B3GNT5: variants seen among roughly 807,000 people sequenced by gnomAD.
B3GNT5 encodes the protein lactosylceramide 1,3-N-acetyl-beta-D-glucosaminyltransferase.
Under a neutral mutation model 25.9 loss-of-function variants are expected in B3GNT5, and 11 were observed. The ratio of observed to expected loss-of-function variants is 0.42; its 90% CI spans 0.27 to 0.70. B3GNT5 has a LOEUF of 0.70. Among genes scored for constraint, B3GNT5 ranks in the 30% least tolerant of loss-of-function variants. The probability of loss-of-function intolerance (pLI) is 0.23; values close to 1 mark genes in which losing one functional copy is unlikely to be tolerated. For synonymous variants in B3GNT5, 166 were observed against 158.6 expected, an observed-to-expected ratio of 1.05 and a Z score of -0.35; for missense variants, 385 against 458.4, an observed-to-expected ratio of 0.84 and a Z score of 1.46.
At chr3:183,261,508 A>AT (rs1048302321) in intron 1 of B3GNT5, among the ~76,000 whole-genome samples, 11 of 152,238 alleles carry the variant, frequency 7.2e-5, no homozygotes, top group African/African-American at 2.4e-4. Context: ...TATAAAGGAA[A>AT]TTTTTTTAAA....
Position 183,271,944 on chromosome 3 carries a change from A to T in B3GNT5, c.*1009A>T, listed in dbSNP as rs370898980. ...TACTAAAATTAACCCACTCCTCCCC[A>T]ACAAGGTCTTATAAACCACAGCACT... On this transcript the variant is annotated 3_prime_UTR_variant, in exon 2 of 2. Transcript: ENST00000326505. 1.1e-5 allele frequency: 2 copies of T among 180,180 alleles called. No individual in the cohort carries two copies. The highest frequency in any genetic ancestry group is 4.8e-5 in the African/African-American group (2 of 41,756). The allele number at this position is 180,180 out of a possible 1,614,324, so 11.2% of individuals were successfully genotyped here.
At chr3:183,261,958 C>T (rs1424418604) in intron 1 of B3GNT5, among the ~76,000 whole-genome samples, 5 of 100,950 alleles carry the variant, frequency 5.0e-5, no homozygotes, top group East Asian at 2.6e-4. Context: ...TCATGTCCAG[C>T]ATTAAAAAAA....
chr3:183,257,742 C>T (rs975472358), intron 1 of B3GNT5, among the ~76,000 whole-genome samples: 14 of 152,142 alleles, frequency 9.2e-5, no homozygotes, highest in African/African-American at 3.1e-4. Context: ...TATCGTCATC[C>T]TGTTTCTGAA....
In B3GNT5 at chr3:183,270,384, A is replaced by T. The variant is rs774807011; in HGVS notation, c.586A>T (p.Ile196Leu). The change falls in exon 2 of 2, where the codon ATA becomes TTA. Residue 196 changes from isoleucine (I) to leucine (L), a missense_variant. Ile to Leu is a conservative substitution (Grantham distance 5, BLOSUM62 2). Coordinates refer to ENST00000326505, the MANE Select transcript of B3GNT5 (RefSeq NM_032047.5). The surrounding 1 kb of genome is among the most constrained non-coding windows in gnomAD (Gnocchi z 4.5). ...AKFLMTADDD[I>L]FIHMPNLIEY... ...ATTTCTTATGACTGCTGATGATGAC[A>T]TATTTATTCACATGCCAAATCTGAT... 1.2e-6 allele frequency: 2 copies of T among 1,614,234 alleles called. No homozygotes were observed. The highest frequency in any genetic ancestry group is 1.7e-6 in the Non-Finnish European group (2 of 1,180,040).
At position 183,272,295 on chromosome 3, in the gene B3GNT5, G is replaced by A; in HGVS notation, c.*1360G>A. ...AAGAACTAGGTGGTGTCTACTGCTA[G>A]GGAGATTATATGAAGGCCAAAATAA... is the stretch of plus-strand genomic sequence containing the variant. On this transcript the variant is annotated 3_prime_UTR_variant, in exon 2 of 2. Coordinates refer to ENST00000326505, the MANE Select transcript of B3GNT5 (RefSeq NM_032047.5). The A allele has an allele frequency of 1.0e-6, 1 of 1,000,236 alleles. No homozygotes were observed. The highest frequency in any genetic ancestry group is 1.2e-6 in the Non-Finnish European group (1 of 829,990). The allele number at this position is 1,000,236 out of a possible 1,614,324, so 62.0% of individuals were successfully genotyped here.
At chr3:183,268,322 A>G (rs1483364084) in intron 1 of B3GNT5, among the ~76,000 whole-genome samples, 1 of 152,216 alleles carries the variant, frequency 6.6e-6, no homozygotes, top group Non-Finnish European at 1.5e-5. Context: ...AGGAGTTAAA[A>G]GAGCTCAGTT....
chr3:183,261,603 T>G (rs1725593366), intron 1 of B3GNT5, among the ~76,000 whole-genome samples: 1 of 152,186 alleles, frequency 6.6e-6, no homozygotes. Flanking sequence ...TCATGATGCA[T>G]GGGGATATTC....
Position 183,272,423 on chromosome 3 carries a change from AC to A in B3GNT5, c.*1489del. Reference sequence around the variant, plus strand: ...CATATAATAAGGTGATGTCGGAAACACGCAAAACAAAACGAAAAAAGATTTC... The same window carrying A: ...CATATAATAAGGTGATGTCGGAAACAGCAAAACAAAACGAAAAAAGATTTC... On this transcript the variant is annotated 3_prime_UTR_variant, in exon 2 of 2. Coordinates refer to ENST00000326505, the MANE Select transcript of B3GNT5 (RefSeq NM_032047.5). The A allele has an allele frequency of 2.0e-6, 2 of 1,000,292 alleles. No individual in the cohort carries two copies. The highest frequency in any genetic ancestry group is 2.4e-6 in the Non-Finnish European group (2 of 830,018). 62.0% of individuals were successfully genotyped at this position (1,000,292 alleles called of 1,614,324 possible).
chr3:183,259,613 G>C (rs1725401788), intron 1 of B3GNT5, among the ~76,000 whole-genome samples: 1 of 152,102 alleles, frequency 6.6e-6, no homozygotes, highest in African/African-American at 2.4e-5. Context: ...GTCTGTGTCT[G>C]ACTCCTCGCC....
chr3:183,270,735 C>A lies in B3GNT5; in HGVS notation c.937C>A (p.Pro313Thr). The A allele has an allele frequency of 1.2e-6, 2 of 1,613,658 alleles. No individual in the cohort carries two copies. The highest frequency in any genetic ancestry group is 2.2e-5 in the South Asian group (2 of 91,026). Residue 313 changes from proline to threonine, a missense_variant, in exon 2 of 2, where the codon CCC (proline) becomes ACC (threonine). Physicochemically the swap from Pro to Thr is conservative, Grantham distance 38. Transcript: ENST00000326505. The surrounding 1 kb of genome is among the most constrained non-coding windows in gnomAD (Gnocchi z 4.5). ...TGGAGAGGGTAAAACTCCTTATCAT[C>A]CCTGCATCTATGAAAAAATGATGAC... Reference protein sequence around the residue: ...FSGEGKTPYHPCIYEKMMTSH... With the variant: ...FSGEGKTPYHTCIYEKMMTSH...
Position 183,272,823 on chromosome 3 carries a change from A to C in B3GNT5, c.*1888A>C. On this transcript the variant is annotated 3_prime_UTR_variant, in exon 2 of 2. Transcript: ENST00000326505. ...ATACTTGGAAGTGTTTAAGGTTGCC[A>C]TTGGTTGAAAACATAAGTGTCTCTG... 8.2e-7 allele frequency: 1 copy of C among 1,219,062 alleles called. No individual in the cohort carries two copies. The highest frequency in any genetic ancestry group is 1.0e-6 in the Non-Finnish European group (1 of 967,160). The allele number at this position is 1,219,062 out of a possible 1,614,324, so 75.5% of individuals were successfully genotyped here.
At position 183,270,096 on chromosome 3, in the gene B3GNT5, A is replaced by T; in HGVS notation, c.298A>T (p.Asn100Tyr). 1.2e-6 allele frequency: 2 copies of T among 1,614,166 alleles called. No individual in the cohort carries two copies. Among genetic ancestry groups the T allele is most frequent in the Non-Finnish European group, 1.7e-6 (2 of 1,180,046 alleles). The change falls in exon 2 of 2, where the codon AAC becomes TAC. Residue 100 changes from asparagine (N) to tyrosine (Y), a missense_variant. Transcript: ENST00000326505. This position sits in a 1 kb window ranked among gnomAD's most constrained non-coding sequence, Gnocchi z 4.5. ...LLLFVKTAPE[N>Y]YDRRSGIRRT... ...ACTGTTTGTAAAAACTGCTCCTGAA[A>T]ACTATGATCGACGTTCCGGAATTAG...
At chr3:183,264,432 C>T (rs1725911127) in intron 1 of B3GNT5, among the ~76,000 whole-genome samples, 1 of 152,232 alleles carries the variant, frequency 6.6e-6, no homozygotes, top group Non-Finnish European at 1.5e-5. Flanking sequence ...TCTGTGGGAA[C>T]TATGCTTTCA....
Position 183,269,653 on chromosome 3 carries a change from A to G in B3GNT5, c.-146A>G, listed in dbSNP as rs1726548802. ...CAGAAAAATGGGACTAAAAGAAACT[A>G]TTTTGTAAAATAAGAAGACTTCCAT... On this transcript the variant is annotated 5_prime_UTR_variant, in exon 2 of 2. Coordinates refer to ENST00000326505, the MANE Select transcript of B3GNT5 (RefSeq NM_032047.5). 1 of 721,470 alleles carries G rather than the reference A, an allele frequency of 1.4e-6. No homozygotes were observed. Among genetic ancestry groups the G allele is most frequent in the Non-Finnish European group, 2.2e-6 (1 of 456,982 alleles). The allele number at this position is 721,470 out of a possible 1,614,324, so 44.7% of individuals were successfully genotyped here.
intron 1 of B3GNT5, among the ~76,000 whole-genome samples, chr3:183,268,251 T>C (rs1726348929): frequency 6.6e-6 from 1 of 152,192 alleles, no homozygotes; most frequent in Non-Finnish European, 1.5e-5. Context: ...AGGCAGATCC[T>C]AAAGGGTCCT....
At position 183,269,230 on chromosome 3, in the gene B3GNT5, C is replaced by CTTTTTTTTT. The variant is rs60835895; in HGVS notation, c.-301-258_-301-250dup. On this transcript the variant is annotated intron_variant, in intron 1 of 1. Transcript: ENST00000326505. ...TACACGATTATAGCCGTTTGGGAAGCTTTTTTTTTTTTTTTTTTAAGAGTA... is the reference window on the plus strand; with the variant it reads ...TACACGATTATAGCCGTTTGGGAAGCTTTTTTTTTTTTTTTTTTTTTTTTTTTAAGAGTA... Among the ~76,000 whole-genome samples the CTTTTTTTTT allele has an allele frequency of 2.2e-4, 18 of 81,000 alleles. 3 individuals carry two copies. Among genetic ancestry groups the CTTTTTTTTT allele is most frequent in the African/African-American group, 8.9e-4 (14 of 15,756 alleles). The allele number at this position is 81,000 out of a possible 152,430, so 53.1% of individuals were successfully genotyped here.
chr3:183,270,581 C>T lies in B3GNT5; in HGVS notation c.783C>T (p.Ser261=), dbSNP rs148521313. 4.5e-5 allele frequency: 73 copies of T among 1,614,124 alleles called. No homozygotes were observed. The East Asian group carries it at 1.2e-3, about 26-fold the overall frequency. The change falls in exon 2 of 2, where the codon TCC becomes TCT. Residue 261 remains serine (S), a synonymous_variant. Transcript: ENST00000326505. This position sits in a 1 kb window ranked among gnomAD's most constrained non-coding sequence, Gnocchi z 4.5. ...DYTAGAAYVI[S]GDVAAKVYEA... The stretch of plus-strand genomic sequence containing the variant: ...CAGCCGGAGCTGCCTATGTAATCTC[C>T]GGTGATGTAGCTGCCAAAGTCTATG...
chr3:183,254,620 G>A (rs376269554), intron 1 of B3GNT5: 2 of 152,206 alleles, frequency 1.3e-5, no homozygotes, highest in East Asian at 3.9e-4. Flanking sequence ...CGGGAGCCGC[G>A]AGGCGAACGC....
chr3:183,269,768 T>C lies in B3GNT5; in HGVS notation c.-31T>C, dbSNP rs1451635305. 6.4e-7 allele frequency: 1 copy of C among 1,569,822 alleles called. No homozygotes were observed. The highest frequency in any genetic ancestry group is 8.6e-7 in the Non-Finnish European group (1 of 1,160,362). On this transcript the variant is annotated 5_prime_UTR_variant, in exon 2 of 2. Coordinates refer to ENST00000326505, the MANE Select transcript of B3GNT5 (RefSeq NM_032047.5). ...GAAGAAGCCCGTGCCTGTTTAAAAC[T>C]GATCCTAACTAAAAACAGACTTGAG...
Sources: allele counts gnomAD v4.1 joint callset (sites outside exome capture counted in the v4.1 genomes callset), GRCh38; gene constraint gnomAD v4.1.1; non-coding constraint Gnocchi (gnomAD v3.1); transcripts MANE v1.5; gene names NCBI Gene and HGNC (gene_info 2026-07-23, HGNC 2026-07-21).